Variants in TMEM242 observed in about 807,000 individuals in gnomAD.
The protein encoded by TMEM242 is transmembrane protein 242, also known as UPF0463 transmembrane protein C6orf35.
A neutral mutation model predicts 18.2 loss-of-function variants in TMEM242; 10 were observed. That is an observed-to-expected ratio of 0.55 (90% CI 0.34 to 0.93). TMEM242 has a LOEUF of 0.93. Among genes scored for constraint, TMEM242 ranks in the 40% least tolerant of loss-of-function variants. TMEM242 has a pLI of 0.02. For missense variants in TMEM242, 186 were observed against 175.5 expected (o/e 1.06, Z -0.34); for synonymous variants, 57 against 69.9 (o/e 0.81, Z 0.92).
chr6:157,321,254 C>T (rs907643058), intron 2 of TMEM242, among the ~76,000 whole-genome samples: 5 of 152,152 alleles, frequency 3.3e-5, no homozygotes, highest in South Asian at 2.1e-4. Context: ...ATGATCCGCC[C>T]GCCTTGGCCT....
intron 3 of TMEM242, among the ~76,000 whole-genome samples, chr6:157,304,762 G>T (rs1424911980): frequency 6.6e-6 from 1 of 152,214 alleles, no homozygotes; most frequent in African/African-American, 2.4e-5. Flanking sequence ...GTAACTGGGT[G>T]GTGGGAATGA....
rs1334683746 is a variant in TMEM242 at position 157,305,753 on chromosome 6, G to T, written c.328-12754C>A. On this transcript the variant is annotated intron_variant, in intron 3 of 3. Coordinates refer to ENST00000400788, the MANE Select transcript of TMEM242 (RefSeq NM_018452.6). The surrounding 1 kb of genome is among the most constrained non-coding windows in gnomAD (Gnocchi z 4.1). ...AAGCCACAGTGTTTCAGGATGGAGG[G>T]GGGGCTCCATTGTGCCCAAATGTTG... Among the ~76,000 whole-genome samples the T allele has an allele frequency of 9.9e-6, 1 of 101,422 alleles. No homozygotes were observed. Among genetic ancestry groups the T allele is most frequent in the Non-Finnish European group, 1.9e-5 (1 of 51,374 alleles). The allele number at this position is 101,422 out of a possible 152,430, so 66.5% of individuals were successfully genotyped here.
At chr6:157,299,382 C>G (rs4401691) in intron 3 of TMEM242, 759,388 of 1,186,806 alleles carry the variant, frequency 0.64, 248,515 homozygotes, top group East Asian at 0.97. Flanking sequence ...TTCTTCAAAG[C>G]GACACCAGCT....
intron 3 of TMEM242, among the ~76,000 whole-genome samples, chr6:157,315,359 A>G (rs1202782749): frequency 5.3e-5 from 8 of 152,248 alleles, no homozygotes; most frequent in African/African-American, 1.9e-4. Context: ...TTTAGAATGA[A>G]CAAACCAGCA....
chr6:157,295,048 T>C (rs782065817), intron 3 of TMEM242, among the ~76,000 whole-genome samples: 3 of 152,382 alleles, frequency 2.0e-5, no homozygotes, highest in African/African-American at 7.2e-5. Flanking sequence ...TATCGACATA[T>C]GTGTGCTATA....
intron 1 of TMEM242, 60 bp from the exon 2 acceptor site, chr6:157,322,865 A>C (rs1778517772): frequency 1.4e-6 from 2 of 1,416,366 alleles, no homozygotes; most frequent in East Asian, 4.6e-5. Flanking sequence ...AAAGAGGTTA[A>C]AAAGATGTAC....
rs1292765133 is a variant in TMEM242 at position 157,292,922 on chromosome 6, C to T, written c.405G>A (p.Glu135=). 6.2e-7 allele frequency: 1 copy of T among 1,612,920 alleles called. No individual in the cohort carries two copies. Among genetic ancestry groups the T allele is most frequent in the Non-Finnish European group, 8.5e-7 (1 of 1,179,220 alleles). Residue 135 remains glutamate, a synonymous_variant, in exon 4 of 4, where the codon GAG becomes GAA. Coordinates refer to ENST00000400788, the MANE Select transcript of TMEM242 (RefSeq NM_018452.6). ...CATCTCATTTGGATTTCAATGTTTCCTCCCACTCAACAGCCGATTCGGAGT... is the reference window on the plus strand; with the variant it reads ...CATCTCATTTGGATTTCAATGTTTCTTCCCACTCAACAGCCGATTCGGAGT... ...PKNSESAVEW[E]ETLKSK
chr6:157,312,350 T>A (rs1778174062), intron 3 of TMEM242, among the ~76,000 whole-genome samples: 4 of 136,060 alleles, frequency 2.9e-5, no homozygotes, highest in South Asian at 2.6e-4. Context: ...TCACCTAGCC[T>A]CATCATGTCC....
intron 2 of TMEM242, among the ~76,000 whole-genome samples, chr6:157,322,206 C>T (rs1453324472): frequency 6.6e-6 from 1 of 152,210 alleles, no homozygotes; most frequent in Non-Finnish European, 1.5e-5. Flanking sequence ...TCTGGGCTCA[C>T]TACAACCTCA....
intron 3 of TMEM242, among the ~76,000 whole-genome samples, chr6:157,302,489 C>G (rs150874731): frequency 6.6e-6 from 1 of 152,186 alleles, no homozygotes; most frequent in Non-Finnish European, 1.5e-5. Flanking sequence ...TACAATCTCT[C>G]TAATAGCTGC....
intron 3 of TMEM242, among the ~76,000 whole-genome samples, chr6:157,314,029 CTCACCCGGCCTCGTCATAG>C (rs1778322778): frequency 9.9e-5 from 1 of 10,096 alleles, no homozygotes; most frequent in Non-Finnish European, 2.6e-4. Flanking sequence ...TCAGTGTGCA[CTCACCCGGCCTCGTCATAG>C]TGCCGCAGTG....
intron 3 of TMEM242, among the ~76,000 whole-genome samples, chr6:157,310,959 C>A (rs1554248524): frequency 9.8e-3 from 463 of 47,360 alleles, no homozygotes; most frequent in African/African-American, 0.024. Context: ...TGTGCACTCA[C>A]CTGGCCTCAT....
chr6:157,299,571 C>A (rs587738572), intron 3 of TMEM242: 2 of 1,559,444 alleles, frequency 1.3e-6, no homozygotes, highest in Middle Eastern at 1.7e-4. Context: ...AACTTCCAGG[C>A]TACATAAGTT....
At chr6:157,306,863 A>G (rs2128413876) in intron 3 of TMEM242, among the ~76,000 whole-genome samples, 1 of 152,374 alleles carries the variant, frequency 6.6e-6, no homozygotes, top group Non-Finnish European at 1.5e-5. Flanking sequence ...AGTCACCAAG[A>G]AAAAGTTACA....
intron 3 of TMEM242, among the ~76,000 whole-genome samples, chr6:157,316,878 C>T (rs1335208287): frequency 1.3e-5 from 2 of 151,740 alleles, no homozygotes; most frequent in Non-Finnish European, 1.5e-5. Flanking sequence ...TCCAAAGAGT[C>T]GAAAATAAAA....
At chr6:157,310,632 T>C (rs1778003881) in intron 3 of TMEM242, among the ~76,000 whole-genome samples, 4 of 127,240 alleles carry the variant, frequency 3.1e-5, no homozygotes, top group South Asian at 5.1e-4. Flanking sequence ...AGCCTCATCA[T>C]AGTGTCCCAG....
In TMEM242 at chr6:157,309,552, C is replaced by T. The variant is rs938485039; in HGVS notation, c.327+9230G>A. Among the ~76,000 whole-genome samples the T allele has an allele frequency of 2.6e-5, 4 of 152,032 alleles. No homozygotes were observed. The East Asian group carries it at 7.7e-4, about 29-fold the overall frequency. On this transcript the variant is annotated intron_variant, in intron 3 of 3. Coordinates refer to ENST00000400788, the MANE Select transcript of TMEM242 (RefSeq NM_018452.6). ...TACGGGCACGTGCCACCATGCCTGGCTAATTTTTAAAATTTTTTTGTAAAA... is the reference window on the plus strand; with the variant it reads ...TACGGGCACGTGCCACCATGCCTGGTTAATTTTTAAAATTTTTTTGTAAAA...
intron 3 of TMEM242, chr6:157,299,867 A>G (rs1777802734): frequency 6.2e-7 from 1 of 1,613,108 alleles, no homozygotes; most frequent in South Asian, 1.1e-5. Flanking sequence ...CACAAGGGCA[A>G]GTTCATCACT....
At chr6:157,298,924 A>G (rs1777787831) in intron 3 of TMEM242, 2 of 165,112 alleles carry the variant, frequency 1.2e-5, no homozygotes, top group South Asian at 3.6e-4. Flanking sequence ...TAAATAGGTA[A>G]GTCATTTTAT....
Sources: gnomAD v4.1 joint callset for allele counts (sites outside exome capture counted in the v4.1 genomes callset) on GRCh38, gnomAD v4.1.1 for gene constraint, Gnocchi (gnomAD v3.1) non-coding constraint, MANE v1.5 for transcripts, NCBI Gene and HGNC (gene_info 2026-07-23, HGNC 2026-07-21) for gene names.